The following ZNF148 variants were observed in gnomAD, a reference collection of about 807,000 sequenced individuals.
The protein encoded by ZNF148 is zinc finger protein 148.
Under a neutral mutation model 67.7 loss-of-function variants are expected in ZNF148, and 7 were observed. That is an observed-to-expected ratio of 0.10 (90% CI 0.06 to 0.19). The LOEUF is 0.19. Among genes scored for constraint, ZNF148 ranks in the 10% least tolerant of loss-of-function variants. The pLI, the probability that ZNF148 is intolerant of heterozygous loss-of-function variation, is 1.00. For synonymous variants in ZNF148, 333 were observed against 330.7 expected (o/e 1.01, Z -0.08); for missense variants, 583 against 947.1 (o/e 0.62, Z 5.05).
At chr3:125,284,948 G>T (rs1938579633) in intron 5 of ZNF148, among the ~76,000 whole-genome samples, 1 of 148,394 alleles carries the variant, frequency 6.7e-6, no homozygotes, top group Non-Finnish European at 1.5e-5. Context: ...TTTGCCATAT[G>T]AGAAAAGTTC....
Position 125,231,151 on chromosome 3 carries a change from C to G in ZNF148, c.*1190G>C, listed in dbSNP as rs1381136218. ...TTGTAAAGTTGTAATGAGCAGTGTT[C>G]ATTAAAAAGTAACTCAAGATAAAAT... On this transcript the variant is annotated 3_prime_UTR_variant, in exon 9 of 9. Coordinates refer to ENST00000360647, the MANE Select transcript of ZNF148 (RefSeq NM_021964.3). The G allele has an allele frequency of 1.3e-5, 2 of 152,446 alleles. No individual in the cohort carries two copies. The highest frequency in any genetic ancestry group is 1.3e-4 in the Admixed American group (2 of 15,260). 9.4% of individuals were successfully genotyped at this position (152,446 alleles called of 1,614,324 possible). A position where few individuals can be genotyped will look rare whatever the true frequency, so the allele number is the denominator to read the frequency against.
At chr3:125,276,432 A>T (rs1044060654) in intron 7 of ZNF148, among the ~76,000 whole-genome samples, 2 of 151,264 alleles carry the variant, frequency 1.3e-5, no homozygotes, top group Admixed American at 6.6e-5. Flanking sequence ...TTATTTATTT[A>T]TTTTATTTAT....
rs115822873 is a variant in ZNF148 at position 125,310,419 on chromosome 3, C to A, written c.333+2889G>T. On this transcript the variant is annotated intron_variant, in intron 4 of 8. Coordinates refer to ENST00000360647, the MANE Select transcript of ZNF148 (RefSeq NM_021964.3). ...AACAGAAATTTTAAAATATATTGAA[C>A]TAAATGAAAATAAAAATACAACTAT... 2.7e-3 allele frequency among the ~76,000 whole-genome samples: 410 copies of A among 152,000 alleles called. 1 individual carries two copies. Among genetic ancestry groups the A allele is most frequent in the African/African-American group, 9.5e-3 (392 of 41,478 alleles).
intron 1 of ZNF148, among the ~76,000 whole-genome samples, chr3:125,333,820 A>G (rs563296243): frequency 1.1e-4 from 16 of 152,380 alleles, no homozygotes; most frequent in Non-Finnish European, 1.5e-5. Context: ...AATAGGTCAC[A>G]AGTTTATGCC....
At chr3:125,330,001 T>A (rs928098421) in intron 2 of ZNF148, among the ~76,000 whole-genome samples, 1 of 152,198 alleles carries the variant, frequency 6.6e-6, no homozygotes, top group African/African-American at 2.4e-5. Context: ...AAAGCCTTTT[T>A]TCGATGTTAT....
chr3:125,319,603 C>G (rs1374913145), intron 3 of ZNF148, among the ~76,000 whole-genome samples: 1 of 152,128 alleles, frequency 6.6e-6, no homozygotes, highest in Admixed American at 6.6e-5. Context: ...TGTCTGTATT[C>G]TAAAATTCAG....
chr3:125,370,842 C>T (rs1269172340), intron 1 of ZNF148, among the ~76,000 whole-genome samples: 1 of 152,142 alleles, frequency 6.6e-6, no homozygotes, highest in Non-Finnish European at 1.5e-5. Flanking sequence ...AAATTTTAGT[C>T]TCATCACCAT....
intron 1 of ZNF148, among the ~76,000 whole-genome samples, chr3:125,369,996 T>A (rs1031869255): frequency 6.6e-6 from 1 of 150,900 alleles, no homozygotes; most frequent in Non-Finnish European, 1.5e-5. Context: ...AAAAAAAAAA[T>A]TGTAAATACT....
At chr3:125,345,353 C>T (rs1178954428) in intron 1 of ZNF148, among the ~76,000 whole-genome samples, 2 of 151,944 alleles carry the variant, frequency 1.3e-5, no homozygotes, top group Non-Finnish European at 2.9e-5. Flanking sequence ...AAAATAAAAA[C>T]ATAATACACA....
At chr3:125,372,038 T>C (rs1364094750) in intron 1 of ZNF148, among the ~76,000 whole-genome samples, 2 of 142,714 alleles carry the variant, frequency 1.4e-5, no homozygotes, top group African/African-American at 5.3e-5. Flanking sequence ...CACTCTAGCC[T>C]GGGTGACAGA....
rs1935626661 is a variant in ZNF148, at chr3:125,226,237, TG to T, written c.*6103del. Reference sequence around the variant, plus strand: ...GCCCTGATAATTGTTACCCAATTTGTGTAACTGTTAATTCCACACAGAAATT... The same window carrying T: ...GCCCTGATAATTGTTACCCAATTTGTTAACTGTTAATTCCACACAGAAATT... On this transcript the variant is annotated 3_prime_UTR_variant, in exon 9 of 9. Transcript: ENST00000360647. 6.6e-6 allele frequency: 1 copy of T among 152,648 alleles called. No homozygotes were observed. The highest frequency in any genetic ancestry group is 1.5e-5 in the Non-Finnish European group (1 of 68,028). 9.5% of individuals were successfully genotyped at this position (152,648 alleles called of 1,614,324 possible).
chr3:125,330,234 G>A (rs958567240), intron 2 of ZNF148, among the ~76,000 whole-genome samples: 1 of 152,132 alleles, frequency 6.6e-6, no homozygotes, highest in African/African-American at 2.4e-5. Flanking sequence ...GGAGGCCAAG[G>A]CGGATGGATT....
intron 4 of ZNF148, among the ~76,000 whole-genome samples, chr3:125,297,451 T>C (rs1939345849): frequency 2.7e-5 from 4 of 145,690 alleles, no homozygotes; most frequent in Admixed American, 2.7e-4. Context: ...AATCGAACCT[T>C]ATTAACTCCT....
At chr3:125,295,729 A>G (rs1178906568) in intron 4 of ZNF148, among the ~76,000 whole-genome samples, 1 of 152,028 alleles carries the variant, frequency 6.6e-6, no homozygotes, top group African/African-American at 2.4e-5. Flanking sequence ...ATTTTTACAG[A>G]GTTAAATAAG....
chr3:125,313,318 A>T lies in ZNF148; in HGVS notation c.323T>A (p.Leu108His), dbSNP rs759121699. 1.2e-6 allele frequency: 2 copies of T among 1,607,494 alleles called. No homozygotes were observed. The highest frequency in any genetic ancestry group is 3.3e-5 in the Admixed American group (2 of 59,780). The change falls in exon 4 of 9, where the codon CTT (leucine) becomes CAT (histidine). Residue 108 changes from leucine (L) to histidine (H), a missense_variant. By Grantham distance (99) the Leu-to-His change is moderately conservative. Coordinates refer to ENST00000360647, the MANE Select transcript of ZNF148 (RefSeq NM_021964.3). ...ERLPQGLQYA[L>H]NVPISVKQEI... Reference sequence around the variant, plus strand: ...AAAGGAATTACTTACAGGGACATTAAGTGCATACTGTAGTCCTTGAGGAAG... The same window carrying T: ...AAAGGAATTACTTACAGGGACATTATGTGCATACTGTAGTCCTTGAGGAAG...
chr3:125,257,916 C>T (rs1002398428), intron 7 of ZNF148, among the ~76,000 whole-genome samples: 32 of 152,244 alleles, frequency 2.1e-4, no homozygotes, highest in Middle Eastern at 3.4e-3. Flanking sequence ...TTATAGTGTT[C>T]CTTCTAGTCA....
intron 7 of ZNF148, among the ~76,000 whole-genome samples, chr3:125,266,759 A>C (rs182653335): frequency 6.6e-6 from 1 of 152,112 alleles, no homozygotes; most frequent in Non-Finnish European, 1.5e-5. Context: ...CAAAGAATCA[A>C]AACAAAAAGT....
At chr3:125,247,976 C>T (rs191210959) in intron 7 of ZNF148, among the ~76,000 whole-genome samples, 180 of 152,272 alleles carry the variant, frequency 1.2e-3, no homozygotes, top group Non-Finnish European at 2.0e-3. Context: ...TATGACACTT[C>T]CACATCTCAC....
chr3:125,351,235 A>G (rs1269588498), intron 1 of ZNF148, among the ~76,000 whole-genome samples: 1 of 152,146 alleles, frequency 6.6e-6, no homozygotes, highest in African/African-American at 2.4e-5. Flanking sequence ...ATTTAAAATT[A>G]GCCAGGCGTG....
Sources: allele counts gnomAD v4.1 joint callset (sites outside exome capture counted in the v4.1 genomes callset), GRCh38; gene constraint gnomAD v4.1.1; transcripts MANE v1.5; gene names NCBI Gene and HGNC (gene_info 2026-07-23, HGNC 2026-07-21).